Variants in NUFIP2 observed in about 807,000 individuals in gnomAD.
NUFIP2 encodes FMR1-interacting protein NUFIP2.
Under a neutral mutation model 56.9 loss-of-function variants are expected in NUFIP2, and 6 were observed. The ratio of observed to expected loss-of-function variants is 0.11; its 90% CI spans 0.06 to 0.21. NUFIP2 has a LOEUF of 0.21. Ranked by LOEUF, NUFIP2 falls within the 10% of genes least tolerant of loss-of-function variation. The probability of loss-of-function intolerance (pLI) is 1.00; values close to 1 mark genes in which losing one functional copy is unlikely to be tolerated. For missense variants in NUFIP2, 828 were observed against 826.8 expected (o/e 1.00, Z -0.02); for synonymous variants, 321 against 298.2 (o/e 1.08, Z -0.79).
chr17:29,286,798 G>T lies in NUFIP2; in HGVS notation c.1196C>A (p.Ser399Tyr). 6.2e-7 allele frequency: 1 copy of T among 1,614,194 alleles called. No homozygotes were observed. The highest frequency in any genetic ancestry group is 1.1e-5 in the South Asian group (1 of 91,080). Residue 399 changes from serine (S) to tyrosine (Y), a missense_variant, in exon 2 of 4, where the codon TCC becomes TAC. Transcript: ENST00000225388. ...TTTCAGCGCTGACATAGGGACCTGG[G>T]ATAAGCGACTTGATGATTGGGTCTG... ...ETQTQSSSRL[S>Y]QVPMSALKSV...
At chr17:29,279,605 C>T (rs906232879) in intron 2 of NUFIP2, among the ~76,000 whole-genome samples, 1 of 152,156 alleles carries the variant, frequency 6.6e-6, no homozygotes, top group Non-Finnish European at 1.5e-5. Context: ...ACGATTATGG[C>T]TCACTGCATC....
chr17:29,290,673 AAAGAAAG>A (rs2069206518), intron 1 of NUFIP2, among the ~76,000 whole-genome samples: 1 of 130,904 alleles, frequency 7.6e-6, no homozygotes, highest in Non-Finnish European at 1.7e-5. Flanking sequence ...AAAAAGAAAG[AAAGAAAG>A]AAAGAAAGAA....
rs1555549643 is a variant in NUFIP2 at position 29,292,883 on chromosome 17, G to GGC, written c.277+899_277+900insGC. Among the ~76,000 whole-genome samples the GGC allele has an allele frequency of 2.8e-5, 4 of 144,552 alleles. 1 individual carries two copies. Among genetic ancestry groups the GGC allele is most frequent in the Admixed American group, 1.4e-4 (2 of 14,702 alleles). The allele number at this position is 144,552 out of a possible 152,430, so 94.8% of individuals were successfully genotyped here. On this transcript the variant is annotated intron_variant, in intron 1 of 3. Transcript: ENST00000225388. ...GGTTACACAACCCCGGCCGGCGACG[G>GGC]GGGGGGGGGCGGCCGCGGTGCGGGG...
At chr17:29,285,946 C>G (rs776878313) in intron 2 of NUFIP2, 46 bp downstream of exon 2, 2 of 1,403,782 alleles carry the variant, frequency 1.4e-6, no homozygotes, top group South Asian at 1.3e-5. Context: ...AAACAATATA[C>G]TAAATTGGCC....
At chr17:29,267,586 G>T in intron 2 of NUFIP2, 56 bp from the exon 3 acceptor site, 2 of 1,078,712 alleles carry the variant, frequency 1.9e-6, no homozygotes, top group Non-Finnish European at 2.7e-6. Flanking sequence ...AGTCTGAAGC[G>T]ATGCTTTTCA....
intron 3 of NUFIP2, among the ~76,000 whole-genome samples, chr17:29,265,371 C>A (rs1361211227): frequency 6.9e-6 from 1 of 144,842 alleles, no homozygotes; most frequent in East Asian, 2.0e-4. Flanking sequence ...GGCGCGATCT[C>A]GGCTCACTGC....
Position 29,294,017 on chromosome 17 carries a change from T to C in NUFIP2, c.43A>G (p.Ser15Gly). ...PGQPQPQHHH[S>G]HHHPHHHPQQ... is the part of the protein sequence containing the mutation. ...GGGTGATGGTGCGGATGGTGGTGGCTGTGATGGTGCTGAGGCTGTGGCTGG... is the reference window on the plus strand; with the variant it reads ...GGGTGATGGTGCGGATGGTGGTGGCCGTGATGGTGCTGAGGCTGTGGCTGG... Residue 15 changes from serine to glycine, a missense_variant, in exon 1 of 4, where the codon AGC becomes GGC. This residue lies in a region of NUFIP2 where 415 missense variants were observed against 408.7 expected (regional missense o/e 1.02). Coordinates refer to ENST00000225388, the MANE Select transcript of NUFIP2 (RefSeq NM_020772.3). 1 of 1,612,254 alleles carries C rather than the reference T, an allele frequency of 6.2e-7. No individual in the cohort carries two copies. The highest frequency in any genetic ancestry group is 8.5e-7 in the Non-Finnish European group (1 of 1,179,004).
At chr17:29,278,958 T>C (rs16964966) in intron 2 of NUFIP2, among the ~76,000 whole-genome samples, 7,667 of 152,286 alleles carry the variant, frequency 0.05, 270 homozygotes, top group Non-Finnish European at 0.073. Flanking sequence ...CATTACTATA[T>C]GTCCCACATC....
intron 2 of NUFIP2, among the ~76,000 whole-genome samples, chr17:29,276,163 G>GTA (rs916074333): frequency 3.9e-5 from 6 of 151,966 alleles, no homozygotes; most frequent in African/African-American, 1.5e-4. Context: ...ACAATAGCTA[G>GTA]TACATCAACA....
At chr17:29,265,756 A>G (rs1047757849) in intron 3 of NUFIP2, among the ~76,000 whole-genome samples, 5 of 146,480 alleles carry the variant, frequency 3.4e-5, no homozygotes, top group African/African-American at 1.0e-4. Flanking sequence ...TGGTCACCCA[A>G]TGGAAAATTT....
chr17:29,286,731 T>G lies in NUFIP2; in HGVS notation c.1263A>C (p.Ala421=). The G allele has an allele frequency of 2.5e-6, 4 of 1,614,134 alleles. No homozygotes were observed. The highest frequency in any genetic ancestry group is 3.4e-6 in the Non-Finnish European group (4 of 1,180,028). Residue 421 remains alanine, a synonymous_variant, in exon 2 of 4, where the codon GCA becomes GCC. Transcript: ENST00000225388. ...GAGGATAAACATTTCCATCAGTCCCTGCTAAAACAGGCCCATTAGAAAAGT... is the reference window on the plus strand; with the variant it reads ...GAGGATAAACATTTCCATCAGTCCCGGCTAAAACAGGCCCATTAGAAAAGT... ...SANFSNGPVL[A]GTDGNVYPPG...
intron 2 of NUFIP2, among the ~76,000 whole-genome samples, chr17:29,272,770 AATTTTGGATCTTGAAGC>A (rs1210980575): frequency 2.0e-5 from 3 of 151,712 alleles, no homozygotes; most frequent in African/African-American, 4.8e-5. Flanking sequence ...AGTACTGAAA[AATTTTGGATCTTGAAGC>A]ATTTTGGATC....
chr17:29,266,939 T>C (rs1160695209), intron 3 of NUFIP2, among the ~76,000 whole-genome samples: 2 of 151,972 alleles, frequency 1.3e-5, no homozygotes, highest in African/African-American at 4.8e-5. Flanking sequence ...GTTTCGCTCT[T>C]GTTGCCCAGG....
intron 1 of NUFIP2, among the ~76,000 whole-genome samples, chr17:29,291,490 C>T (rs1358586995): frequency 6.6e-6 from 1 of 152,202 alleles, no homozygotes; most frequent in Admixed American, 6.5e-5. Context: ...GTGACCAAAT[C>T]ATACACTCGC....
At chr17:29,271,737 G>T (rs757253361) in intron 2 of NUFIP2, among the ~76,000 whole-genome samples, 4 of 152,000 alleles carry the variant, frequency 2.6e-5, no homozygotes, top group Admixed American at 6.6e-5. Flanking sequence ...GAATCAAACA[G>T]CATTTGCATG....
intron 3 of NUFIP2, among the ~76,000 whole-genome samples, chr17:29,265,340 T>C (rs1201092250): frequency 4.1e-5 from 6 of 146,288 alleles, no homozygotes; most frequent in Non-Finnish European, 9.0e-5. Context: ...TCTCGCTCTG[T>C]CGCCCAGGCT....
At chr17:29,273,142 C>A (rs1020562840) in intron 2 of NUFIP2, among the ~76,000 whole-genome samples, 1 of 151,594 alleles carries the variant, frequency 6.6e-6, no homozygotes. Context: ...TGGGTTCAAG[C>A]GATTCTTCTG....
At chr17:29,271,053 A>G (rs1400318687) in intron 2 of NUFIP2, among the ~76,000 whole-genome samples, 1 of 152,194 alleles carries the variant, frequency 6.6e-6, no homozygotes. Flanking sequence ...AGTTGAAGAT[A>G]CTTCTTTACT....
chr17:29,261,425 C>CA lies in NUFIP2; in HGVS notation c.*3113dup, dbSNP rs1202410006. ...ACATACATACATAAACACACACACA[C>CA]ACACACACCCCTTTTTCAGTCTTTA... On this transcript the variant is annotated 3_prime_UTR_variant, in exon 4 of 4. Coordinates refer to ENST00000225388, the MANE Select transcript of NUFIP2 (RefSeq NM_020772.3). 1 of 152,064 alleles carries CA rather than the reference C, an allele frequency of 6.6e-6. No homozygotes were observed. Among genetic ancestry groups the CA allele is most frequent in the Non-Finnish European group, 1.5e-5 (1 of 67,990 alleles). 9.4% of individuals were successfully genotyped at this position (152,064 alleles called of 1,614,324 possible).
Sources: gnomAD v4.1 joint callset for allele counts (sites outside exome capture counted in the v4.1 genomes callset) on GRCh38, gnomAD v4.1.1 for gene constraint, gnomAD v4.1.1 regional missense constraint, MANE v1.5 for transcripts, NCBI Gene and HGNC (gene_info 2026-07-23, HGNC 2026-07-21) for gene names.